The following GALNT11 variants were observed in gnomAD, a reference collection of about 807,000 sequenced individuals.
The protein encoded by GALNT11 is UDP-GalNAc:polypeptide N-acetylgalactosaminyltransferase 11.
GALNT11 carries 47 observed loss-of-function variants against 72.7 expected under a neutral mutation model. The observed-to-expected ratio is 0.65, with a 90% CI of 0.51 to 0.82. The LOEUF is 0.82. Among genes scored for constraint, GALNT11 ranks in the 40% least tolerant of loss-of-function variants. The pLI, the probability that GALNT11 is intolerant of heterozygous loss-of-function variation, is 0.00. For missense variants in GALNT11, 677 were observed against 778.4 expected (o/e 0.87, Z 1.55); for synonymous variants, 270 against 286.6 (o/e 0.94, Z 0.58).
At chr7:152,090,302 GTTGTT>G (rs1177782530) in intron 1 of GALNT11, among the ~76,000 whole-genome samples, 1 of 150,492 alleles carries the variant, frequency 6.6e-6, no homozygotes, top group East Asian at 1.9e-4. Context: ...TTTGGCTTCT[GTTGTT>G]TTATTTTCAT....
intron 1 of GALNT11, among the ~76,000 whole-genome samples, chr7:152,033,081 C>T (rs2082381482): frequency 6.6e-6 from 1 of 152,184 alleles, no homozygotes. Flanking sequence ...AGGGTGATGA[C>T]ATGAGCTGGC....
chr7:152,107,303 G>T (rs1411058969), intron 5 of GALNT11: 1 of 149,194 alleles, frequency 6.7e-6, no homozygotes, highest in African/African-American at 2.4e-5. Context: ...TTAAAATGCA[G>T]AATAAAATGT....
At chr7:152,074,975 A>C (rs1488833746) in intron 1 of GALNT11, 1 of 151,490 alleles carries the variant, frequency 6.6e-6, no homozygotes, top group East Asian at 1.9e-4. Flanking sequence ...GGCAGAGAAA[A>C]CTCTGGGCTT....
chr7:152,068,189 C>G (rs1019076103), intron 1 of GALNT11, among the ~76,000 whole-genome samples: 1 of 152,166 alleles, frequency 6.6e-6, no homozygotes, highest in Non-Finnish European at 1.5e-5. Context: ...CCTCCCCACC[C>G]TATGAGCCCC....
At chr7:152,096,731 AAG>A (rs1463480823) in intron 2 of GALNT11, among the ~76,000 whole-genome samples, 1 of 151,958 alleles carries the variant, frequency 6.6e-6, no homozygotes, top group East Asian at 1.9e-4. Context: ...AAAAAAAAAA[AAG>A]TGAAAAAAGA....
chr7:152,076,688 G>T (rs1193008708), intron 1 of GALNT11, among the ~76,000 whole-genome samples: 1 of 152,192 alleles, frequency 6.6e-6, no homozygotes, highest in Non-Finnish European at 1.5e-5. Context: ...GGCTTCAGAA[G>T]CCAGAGATAC....
chr7:152,110,824 G>A (rs888051331), intron 7 of GALNT11, among the ~76,000 whole-genome samples, 179 bp downstream of exon 7: 1 of 151,428 alleles, frequency 6.6e-6, no homozygotes, highest in Non-Finnish European at 1.5e-5. Flanking sequence ...TTGACCTCCT[G>A]AGCTCAAGCG....
intron 1 of GALNT11, among the ~76,000 whole-genome samples, chr7:152,088,557 G>A (rs919169898): frequency 1.3e-5 from 2 of 149,322 alleles, no homozygotes; most frequent in Non-Finnish European, 3.0e-5. Context: ...CTCTGAGATT[G>A]TCTTTAATAT....
chr7:152,105,602 A>G (rs953802787), intron 5 of GALNT11, among the ~76,000 whole-genome samples: 1 of 152,232 alleles, frequency 6.6e-6, no homozygotes, highest in Admixed American at 6.5e-5. Context: ...GTCTATTTTC[A>G]TAGCAACCCT....
intron 2 of GALNT11, among the ~76,000 whole-genome samples, chr7:152,100,488 C>A (rs1376229325): frequency 6.6e-6 from 1 of 151,826 alleles, no homozygotes; most frequent in Non-Finnish European, 1.5e-5. Context: ...ATCGCTTGAA[C>A]CAGGGAGTTG....
intron 1 of GALNT11, among the ~76,000 whole-genome samples, chr7:152,047,035 T>C (rs2083161048): frequency 6.6e-6 from 1 of 152,160 alleles, no homozygotes; most frequent in South Asian, 2.1e-4. Context: ...AATGGCAACT[T>C]AACACTGATT....
intron 1 of GALNT11, among the ~76,000 whole-genome samples, chr7:152,059,343 C>T (rs2083874353): frequency 6.6e-6 from 1 of 151,896 alleles, no homozygotes; most frequent in Non-Finnish European, 1.5e-5. Flanking sequence ...CTCAAGTAAC[C>T]CTCCCACCTC....
At chr7:152,047,113 A>G (rs1191256558) in intron 1 of GALNT11, among the ~76,000 whole-genome samples, 1 of 152,194 alleles carries the variant, frequency 6.6e-6, no homozygotes, top group African/African-American at 2.4e-5. Context: ...GCAGTGGCTC[A>G]TGTTTGTAAT....
intron 8 of GALNT11, among the ~76,000 whole-genome samples, chr7:152,114,374 C>A (rs2088610769): frequency 6.6e-6 from 1 of 152,134 alleles, no homozygotes; most frequent in South Asian, 2.1e-4. Flanking sequence ...ATATTTCCTA[C>A]AAATGGAATC....
Position 152,061,938 on chromosome 7 carries a change from G to A in GALNT11, c.-38-32252G>A, listed in dbSNP as rs148995455. 5.3e-3 allele frequency among the ~76,000 whole-genome samples: 805 copies of A among 152,284 alleles called. 8 individuals carry two copies. The highest frequency in any genetic ancestry group is 0.019 in the African/African-American group (774 of 41,554). On this transcript the variant is annotated intron_variant, in intron 1 of 11. Coordinates refer to ENST00000430044, the MANE Select transcript of GALNT11 (RefSeq NM_022087.4). ...CCTCCAGCTTTGTTCTTTTGGCTTA[G>A]GATTGTCTTGGCAATGTGGGCTCTT...
At chr7:152,118,843 C>T (rs1237019183) in intron 10 of GALNT11, 61 bp downstream of exon 10, 3 of 1,370,012 alleles carry the variant, frequency 2.2e-6, no homozygotes, top group Non-Finnish European at 3.0e-6. Context: ...TGTAGGGAAG[C>T]TGCTGCCAGT....
In GALNT11 at chr7:152,121,841, G is replaced by C; in HGVS notation, c.*164G>C. ...GGGTGTGTTAGCAGAGGTGACACGTGTCTGACAGAGACGGGAGCTCTGAGT... is the reference window on the plus strand; with the variant it reads ...GGGTGTGTTAGCAGAGGTGACACGTCTCTGACAGAGACGGGAGCTCTGAGT... On this transcript the variant is annotated 3_prime_UTR_variant, in exon 12 of 12. Coordinates refer to ENST00000430044, the MANE Select transcript of GALNT11 (RefSeq NM_022087.4). 6.4e-6 allele frequency: 5 copies of C among 783,862 alleles called. No individual in the cohort carries two copies. The highest frequency in any genetic ancestry group is 9.7e-6 in the Non-Finnish European group (5 of 515,268). 48.6% of individuals were successfully genotyped at this position (783,862 alleles called of 1,614,324 possible). A position where few individuals can be genotyped will look rare whatever the true frequency, so the allele number is the denominator to read the frequency against.
At chr7:152,078,455 C>T (rs538327093) in intron 1 of GALNT11, among the ~76,000 whole-genome samples, 4 of 152,180 alleles carry the variant, frequency 2.6e-5, no homozygotes, top group Admixed American at 1.3e-4. Context: ...CCCGCCTCGG[C>T]CTCCCAAAGT....
intron 1 of GALNT11, among the ~76,000 whole-genome samples, chr7:152,060,472 GT>G (rs898847191): frequency 9.3e-4 from 137 of 146,794 alleles, no homozygotes; most frequent in African/African-American, 1.9e-3. Flanking sequence ...ATTACTGGTA[GT>G]TTTTTTTTTT....
Sources: gnomAD v4.1 joint callset for allele counts (sites outside exome capture counted in the v4.1 genomes callset) on GRCh38, gnomAD v4.1.1 for gene constraint, MANE v1.5 for transcripts, NCBI Gene and HGNC (gene_info 2026-07-23, HGNC 2026-07-21) for gene names.